Variants in JADE3 observed in about 807,000 individuals in gnomAD.
JADE3 encodes the protein protein Jade-3.
A neutral mutation model predicts 50.1 loss-of-function variants in JADE3; 2 were observed. That is an observed-to-expected ratio of 0.04 (90% CI 0.02 to 0.13). The LOEUF (loss-of-function observed/expected upper bound fraction) is 0.13. JADE3 is among the 10% of genes least tolerant of loss of function. The probability of loss-of-function intolerance (pLI) is 1.00; values close to 1 mark genes in which losing one functional copy is unlikely to be tolerated. For missense variants in JADE3, 475 were observed against 634.4 expected (o/e 0.75, Z 2.70); for synonymous variants, 218 against 232.9 (o/e 0.94, Z 0.58).
At chrX:47,003,786 G>T (rs5906304) in intron 4 of JADE3, among the ~76,000 whole-genome samples, 4 of 95,761 alleles carry the variant, frequency 4.2e-5, no homozygotes, top group African/African-American at 1.5e-4. Flanking sequence ...ATTTATATAT[G>T]TTTTATATAT....
intron 3 of JADE3, among the ~76,000 whole-genome samples, chrX:46,990,083 G>GTT (rs149217114): frequency 2.8e-5 from 3 of 108,827 alleles, no homozygotes; most frequent in South Asian, 7.9e-4. Context: ...GAGACTTTCT[G>GTT]TTTTTTGTTT....
In JADE3 at chrX:47,058,746, G is replaced by C; in HGVS notation, c.2141G>C (p.Arg714Thr). ...FRKSTVEHFS[R>T]SFKETTNRWV... ...AAATCCACTGTAGAACACTTTAGTA[G>C]GTCCTTTAAAGAGACCACCAATAGG... Residue 714 changes from arginine to threonine, a missense_variant, in exon 11 of 11, where the codon AGG (arginine) becomes ACG (threonine). By Grantham distance (71) the Arg-to-Thr change is moderately conservative (BLOSUM62 -1). Around this residue, in one of 6 missense-constraint regions of JADE3, gnomAD observed 243 missense variants for 238.2 expected, o/e 1.02. Coordinates refer to ENST00000614628, the MANE Select transcript of JADE3 (RefSeq NM_014735.5). 1.7e-6 allele frequency: 2 copies of C among 1,210,211 alleles called. No individual in the cohort carries two copies. Among genetic ancestry groups the C allele is most frequent in the Non-Finnish European group, 2.2e-6 (2 of 894,279 alleles).
At chrX:46,969,948 T>C (rs781883712) in intron 1 of JADE3, among the ~76,000 whole-genome samples, 3 of 112,310 alleles carry the variant, frequency 2.7e-5, no homozygotes, top group South Asian at 3.7e-4. Context: ...GCTCCCACTT[T>C]AACTAGAAAA....
At chrX:47,041,709 C>T (rs1368543564) in intron 8 of JADE3, among the ~76,000 whole-genome samples, 2 of 105,655 alleles carry the variant, frequency 1.9e-5, no homozygotes, top group Non-Finnish European at 3.9e-5. Flanking sequence ...CGAGTCTCTC[C>T]TTGTTGCCCA....
intron 6 of JADE3, 143 bp from the exon 7 acceptor site, chrX:47,033,478 A>G: frequency 2.3e-6 from 1 of 429,730 alleles, no homozygotes. Flanking sequence ...TTTTTAAATC[A>G]CTCGATACTG....
intron 1 of JADE3, among the ~76,000 whole-genome samples, chrX:46,948,945 CT>C (rs1392009294): frequency 1.0e-4 from 11 of 107,063 alleles, no homozygotes; most frequent in Admixed American, 1.0e-4. Flanking sequence ...AAAAACTCTA[CT>C]TTTTTTTTTG....
At chrX:46,983,239 T>G (rs1171089867) in intron 1 of JADE3, among the ~76,000 whole-genome samples, 1 of 111,515 alleles carries the variant, frequency 9.0e-6, no homozygotes, top group Non-Finnish European at 1.9e-5. Flanking sequence ...AGCCCCCTAT[T>G]CTATGCCCTG....
intron 8 of JADE3, among the ~76,000 whole-genome samples, chrX:47,040,863 T>TA (rs1282757689): frequency 8.9e-6 from 1 of 111,899 alleles, no homozygotes; most frequent in Non-Finnish European, 1.9e-5. Context: ...CAGGGTCTTT[T>TA]ACTGGGAAGT....
intron 1 of JADE3, among the ~76,000 whole-genome samples, chrX:46,913,831 T>G (rs1926023638): frequency 9.0e-6 from 1 of 110,761 alleles, no homozygotes; most frequent in South Asian, 3.9e-4. Flanking sequence ...GAAACTTGTT[T>G]GGCCGCTTCT....
rs782103994 is a variant in JADE3, at chrX:46,975,609, T to C, written c.-11-9275T>C. 3.6e-5 allele frequency among the ~76,000 whole-genome samples: 4 copies of C among 111,174 alleles called. No individual in the cohort carries two copies. In the East Asian group the frequency reaches 8.3e-4, roughly 23 times the overall value. ...TTAATGTACCTTAATTATTCCTCTT[T>C]TGTGTGATAGGTCGGTTTTATTTTT... On this transcript the variant is annotated intron_variant, in intron 1 of 10. Transcript: ENST00000614628.
chrX:47,000,741 G>A (rs1283785609), intron 4 of JADE3, among the ~76,000 whole-genome samples: 1 of 110,333 alleles, frequency 9.1e-6, no homozygotes, highest in Non-Finnish European at 1.9e-5. Flanking sequence ...TAATAGAGAC[G>A]GGGTTTCACC....
chrX:47,054,145 T>C lies in JADE3; in HGVS notation c.973-13T>C. The C allele has an allele frequency of 8.7e-7, 1 of 1,150,881 alleles. No individual in the cohort carries two copies. The highest frequency in any genetic ancestry group is 1.9e-5 in the South Asian group (1 of 52,689). The allele number at this position is 1,150,881 out of a possible 1,213,427, so 94.8% of individuals were successfully genotyped here. On this transcript the variant is annotated splice_polypyrimidine_tract_variant and intron_variant, in intron 8 of 10. Coordinates refer to ENST00000614628, the MANE Select transcript of JADE3 (RefSeq NM_014735.5). The stretch of plus-strand genomic sequence containing the variant: ...CCAACTCTGCTACCTTGACACCTAT[T>C]TTCTTCCTACAGTGCTCTATAAAAA...
rs782156526 is a variant in JADE3 at position 47,006,543 on chromosome X, G to A, written c.284+8266G>A. ...TTGAACTCCCGGGCTCAAGCAATCC[G>A]ACCACCTCGGCCTCCCAAAGTGCTG... On this transcript the variant is annotated intron_variant, in intron 4 of 10. Transcript: ENST00000614628. Among the ~76,000 whole-genome samples the A allele has an allele frequency of 2.0e-4, 20 of 100,924 alleles. No individual in the cohort carries two copies. In the South Asian group the frequency reaches 8.8e-3, roughly 45 times the overall value. 87.6% of individuals were successfully genotyped at this position (100,924 alleles called of 115,157 possible).
chrX:46,959,739 G>A (rs1189017833), intron 1 of JADE3, among the ~76,000 whole-genome samples: 1 of 110,492 alleles, frequency 9.1e-6, no homozygotes, highest in Non-Finnish European at 1.9e-5. Context: ...ATTGGAGGTA[G>A]AAAGGAACAT....
At chrX:46,997,785 C>A (rs782409054) in intron 3 of JADE3, among the ~76,000 whole-genome samples, 1 of 112,170 alleles carries the variant, frequency 8.9e-6, no homozygotes, top group East Asian at 2.8e-4. Context: ...TAATTATTAA[C>A]TATCAGTGGA....
rs142941800 is a variant in JADE3, at chrX:46,989,968, C to T, written c.126+4176C>T. 5.6e-3 allele frequency among the ~76,000 whole-genome samples: 613 copies of T among 110,102 alleles called. 2 individuals carry two copies. The highest frequency in any genetic ancestry group is 9.2e-3 in the Non-Finnish European group (484 of 52,776). On this transcript the variant is annotated intron_variant, in intron 3 of 10. Transcript: ENST00000614628. ...CCATCTTCTGTTTGTTAATTCCATTCATTAGTTGAGCCTATCTTATGAGTT... is the reference window on the plus strand; with the variant it reads ...CCATCTTCTGTTTGTTAATTCCATTTATTAGTTGAGCCTATCTTATGAGTT...
chrX:47,034,294 C>T (rs1929084979), intron 7 of JADE3, among the ~76,000 whole-genome samples: 1 of 111,243 alleles, frequency 9.0e-6, no homozygotes, highest in Non-Finnish European at 1.9e-5. Context: ...CCTCTATACC[C>T]ACTTTCCAGT....
chrX:46,914,714 CAG>C lies in JADE3; in HGVS notation c.-12+1996_-12+1997del, dbSNP rs1484159861. Among the ~76,000 whole-genome samples, 3 of 112,329 alleles carry C rather than the reference CAG, an allele frequency of 2.7e-5. No homozygotes were observed. The East Asian group carries it at 8.4e-4, about 31-fold the overall frequency. On this transcript the variant is annotated intron_variant, in intron 1 of 10. Transcript: ENST00000614628. ...TCTGTCCAGTCAATTCTGGAATACT[CAG>C]GGGTGCAAGTCTGGCTCTAGAATTC...
chrX:46,963,266 C>T (rs1440909634), intron 1 of JADE3, among the ~76,000 whole-genome samples: 1 of 111,774 alleles, frequency 8.9e-6, no homozygotes, highest in Non-Finnish European at 1.9e-5. Flanking sequence ...ATTTGCTACT[C>T]GTATGGCTGC....
Sources: gnomAD v4.1 joint callset for allele counts (sites outside exome capture counted in the v4.1 genomes callset) on GRCh38, gnomAD v4.1.1 for gene constraint, gnomAD v4.1.1 regional missense constraint, MANE v1.5 for transcripts, NCBI Gene and HGNC (gene_info 2026-07-23, HGNC 2026-07-21) for gene names.